Variants in GRID2 observed in about 807,000 individuals in gnomAD.
GRID2 encodes glutamate receptor ionotropic, delta-2.
Under a neutral mutation model 114.8 loss-of-function variants are expected in GRID2, and 33 were observed. The observed-to-expected ratio is 0.29, with a 90% CI of 0.22 to 0.38. The LOEUF (loss-of-function observed/expected upper bound fraction) is 0.38, where lower values mean the gene tolerates loss of function less well. Among genes scored for constraint, GRID2 ranks in the 10% least tolerant of loss-of-function variants. GRID2 has a pLI of 1.00. For synonymous variants in GRID2, 505 were observed against 449.9 expected (o/e 1.12, Z -1.55); for missense variants, 1,184 against 1,257.7 (o/e 0.94, Z 0.89).
chr4:93,004,167 A>G (rs1206379333), intron 2 of GRID2, among the ~76,000 whole-genome samples: 2 of 151,956 alleles, frequency 1.3e-5, no homozygotes, highest in Non-Finnish European at 2.9e-5. Flanking sequence ...ATAAAAGATT[A>G]TGAACCTGTA....
chr4:93,116,100 A>T (rs1733224705), intron 4 of GRID2, among the ~76,000 whole-genome samples: 2 of 152,162 alleles, frequency 1.3e-5, no homozygotes, highest in African/African-American at 4.8e-5. Context: ...CATCCTCTCA[A>T]TATATTACTA....
intron 1 of GRID2, among the ~76,000 whole-genome samples, chr4:92,529,699 A>G (rs1405046781): frequency 6.6e-6 from 1 of 152,110 alleles, no homozygotes; most frequent in Non-Finnish European, 1.5e-5. Flanking sequence ...ATGAGGTGTT[A>G]AAGGATTTAA....
rs940372116 is a variant in GRID2 at position 92,564,839 on chromosome 4, C to T, written c.89-25292C>T. On this transcript the variant is annotated intron_variant, in intron 1 of 15. Coordinates refer to ENST00000282020, the MANE Select transcript of GRID2 (RefSeq NM_001510.4). The stretch of plus-strand genomic sequence containing the variant: ...TTATAAAATATATATTTTCGTGCTA[C>T]AAGGCCAAATATATTTTTTTCTTTC... 2.0e-5 allele frequency among the ~76,000 whole-genome samples: 3 copies of T among 151,958 alleles called. No homozygotes were observed. The South Asian group carries it at 6.2e-4, about 31-fold the overall frequency.
intron 2 of GRID2, among the ~76,000 whole-genome samples, chr4:92,990,238 GTGTGTGTGTGTGAT>G (rs1754786694): frequency 1.7e-5 from 2 of 120,364 alleles, no homozygotes; most frequent in African/African-American, 6.1e-5. Flanking sequence ...GTGTGTGTGT[GTGTGTGTGTGTGAT>G]ATATGTATAT....
chr4:92,715,859 G>A (rs1017721044), intron 2 of GRID2, among the ~76,000 whole-genome samples: 3 of 151,926 alleles, frequency 2.0e-5, no homozygotes, highest in Admixed American at 2.0e-4. Flanking sequence ...TAAAATATCA[G>A]TAAGTTGAAT....
chr4:93,106,593 G>T (rs1732257109), intron 3 of GRID2, among the ~76,000 whole-genome samples: 1 of 152,132 alleles, frequency 6.6e-6, no homozygotes, highest in Admixed American at 6.5e-5. Context: ...AAAGTGCTGG[G>T]ATTACAGGCA....
intron 1 of GRID2, among the ~76,000 whole-genome samples, chr4:92,386,084 C>CAGTGTA (rs1319533192): frequency 2.6e-5 from 4 of 151,500 alleles, no homozygotes; most frequent in South Asian, 2.1e-4. Context: ...GTATGATATT[C>CAGTGTA]TGTTCAATGA....
intron 1 of GRID2, among the ~76,000 whole-genome samples, chr4:92,498,083 A>G (rs2149120239): frequency 6.6e-6 from 1 of 151,992 alleles, no homozygotes; most frequent in South Asian, 2.1e-4. Context: ...TATATAGAAG[A>G]AGATAAGGAA....
chr4:92,466,569 C>G (rs7677007), intron 1 of GRID2, among the ~76,000 whole-genome samples: 54,333 of 151,480 alleles, frequency 0.36, 10,106 homozygotes, highest in African/African-American at 0.45. Context: ...AAAAAATTCT[C>G]TATCTATTCA....
intron 14 of GRID2, among the ~76,000 whole-genome samples, chr4:93,636,763 C>A (rs988640360): frequency 2.6e-5 from 4 of 152,086 alleles, no homozygotes; most frequent in Non-Finnish European, 5.9e-5. Context: ...AGATTTTGAG[C>A]ACTGAGTGAG....
At chr4:92,528,787 T>G (rs1184999591) in intron 1 of GRID2, among the ~76,000 whole-genome samples, 1 of 144,362 alleles carries the variant, frequency 6.9e-6, no homozygotes, top group Non-Finnish European at 1.5e-5. Context: ...TCCACTAAAG[T>G]CGTTTCTTTG....
intron 13 of GRID2, among the ~76,000 whole-genome samples, chr4:93,617,582 T>G (rs902618194): frequency 6.6e-6 from 1 of 152,178 alleles, no homozygotes; most frequent in African/African-American, 2.4e-5. Context: ...TCATTTAGCC[T>G]TATTTTTCAG....
intron 14 of GRID2, among the ~76,000 whole-genome samples, chr4:93,693,568 T>C (rs1726754511): frequency 6.6e-6 from 1 of 152,144 alleles, no homozygotes; most frequent in Non-Finnish European, 1.5e-5. Context: ...TAGGAGAAAA[T>C]ATGCATTCTT....
intron 8 of GRID2, among the ~76,000 whole-genome samples, chr4:93,386,654 A>G (rs1195771630): frequency 1.3e-5 from 2 of 152,202 alleles, no homozygotes; most frequent in African/African-American, 4.8e-5. Context: ...CAGATGCATT[A>G]GTACAGTTTT....
chr4:93,520,348 A>G (rs1285363899), intron 13 of GRID2, among the ~76,000 whole-genome samples: 1 of 152,136 alleles, frequency 6.6e-6, no homozygotes, highest in African/African-American at 2.4e-5. Context: ...GGAAAAAAAA[A>G]AGCAGATCAT....
chr4:93,374,410 G>T (rs1763193693), intron 8 of GRID2, among the ~76,000 whole-genome samples: 1 of 152,034 alleles, frequency 6.6e-6, no homozygotes, highest in Non-Finnish European at 1.5e-5. Flanking sequence ...AGGAATAATT[G>T]GTGGATAGGC....
At chr4:92,994,525 T>C (rs1341156010) in intron 2 of GRID2, among the ~76,000 whole-genome samples, 1 of 152,096 alleles carries the variant, frequency 6.6e-6, no homozygotes. Context: ...GATTTCACCA[T>C]GTTGGCCAGG....
chr4:93,207,989 A>G (rs572425948), intron 5 of GRID2, among the ~76,000 whole-genome samples: 1 of 151,970 alleles, frequency 6.6e-6, no homozygotes, highest in Non-Finnish European at 1.5e-5. Flanking sequence ...ATAATACATA[A>G]GATTAAAAAT....
chr4:93,173,808 T>A (rs1013256910), intron 4 of GRID2, among the ~76,000 whole-genome samples: 1 of 152,098 alleles, frequency 6.6e-6, no homozygotes, highest in Non-Finnish European at 1.5e-5. Context: ...TTTTATATGT[T>A]TTTGGTAGAG....
Sources: allele counts gnomAD v4.1 joint callset (sites outside exome capture counted in the v4.1 genomes callset), GRCh38; gene constraint gnomAD v4.1.1; transcripts MANE v1.5; gene names NCBI Gene and HGNC (gene_info 2026-07-23, HGNC 2026-07-21).